Variants in PHLPP1 observed in about 807,000 individuals in gnomAD.
The protein encoded by PHLPP1 is PH domain and leucine rich repeat protein phosphatase 1.
Under a neutral mutation model 117.2 loss-of-function variants are expected in PHLPP1, and 42 were observed. That is an observed-to-expected ratio of 0.36 (90% CI 0.28 to 0.46). The LOEUF is 0.46. Ranked by LOEUF, PHLPP1 falls within the 20% of genes least tolerant of loss-of-function variation. The pLI is 1.00. For missense variants in PHLPP1, 2,084 were observed against 2,241.9 expected (o/e 0.93, Z 1.42); for synonymous variants, 1,042 against 970.7 (o/e 1.07, Z -1.37).
At chr18:62,935,595 A>T (rs113904697) in intron 10 of PHLPP1, among the ~76,000 whole-genome samples, 67 of 152,220 alleles carry the variant, frequency 4.4e-4, no homozygotes, top group Non-Finnish European at 1.3e-4. Flanking sequence ...CTATTAATAC[A>T]AGGGAGAGAC....
intron 4 of PHLPP1, among the ~76,000 whole-genome samples, chr18:62,889,332 G>A (rs1454087335): frequency 6.6e-6 from 1 of 152,134 alleles, no homozygotes; most frequent in Admixed American, 6.5e-5. Context: ...TAGGTCTAGG[G>A]TACGAGTATA....
At chr18:62,796,091 C>G (rs913065327) in intron 1 of PHLPP1, among the ~76,000 whole-genome samples, 12 of 152,190 alleles carry the variant, frequency 7.9e-5, no homozygotes, top group African/African-American at 2.9e-4. Flanking sequence ...CCACGGTTTA[C>G]AAAGCAGGTA....
Position 62,860,612 on chromosome 18 carries a change from A to G in PHLPP1, c.2066+11A>G, listed in dbSNP as rs1336900805. On this transcript the variant is annotated intron_variant, in intron 4 of 16. Transcript: ENST00000262719. ...TAATGAACTGCAAAGGTAAGCCTGC[A>G]GAAATGGGTAGATCATTAGGAAGGG... The G allele has an allele frequency of 6.2e-7, 1 of 1,605,936 alleles. No individual in the cohort carries two copies. The highest frequency in any genetic ancestry group is 8.5e-7 in the Non-Finnish European group (1 of 1,175,084).
intron 8 of PHLPP1, 48 bp from the exon 9 acceptor site, chr18:62,914,865 A>G (rs781439947): frequency 1.8e-5 from 24 of 1,335,346 alleles, no homozygotes; most frequent in Non-Finnish European, 1.2e-5. Context: ...GTTTAGAACC[A>G]CATTTGAGGA....
chr18:62,963,868 T>C (rs1910833604), intron 14 of PHLPP1, among the ~76,000 whole-genome samples: 2 of 152,198 alleles, frequency 1.3e-5, no homozygotes, highest in Non-Finnish European at 2.9e-5. Flanking sequence ...ATTGTGCATA[T>C]TTAAGATCAC....
intron 8 of PHLPP1, among the ~76,000 whole-genome samples, chr18:62,912,617 C>G (rs1029101248): frequency 1.3e-5 from 2 of 151,480 alleles, no homozygotes; most frequent in African/African-American, 2.4e-5. Flanking sequence ...TTGAACAGTT[C>G]TTTTCTTTTT....
At chr18:62,790,919 T>C (rs1209664580) in intron 1 of PHLPP1, among the ~76,000 whole-genome samples, 1 of 152,130 alleles carries the variant, frequency 6.6e-6, no homozygotes, top group African/African-American at 2.4e-5. Context: ...CCCCAGGTTT[T>C]GCAGCTCATG....
chr18:62,781,232 A>G (rs1053020454), intron 1 of PHLPP1, among the ~76,000 whole-genome samples: 2 of 152,220 alleles, frequency 1.3e-5, no homozygotes, highest in Non-Finnish European at 2.9e-5. Context: ...AGTGCTCCGT[A>G]GATACTCAAT....
chr18:62,945,587 C>T (rs1207016787), intron 12 of PHLPP1, among the ~76,000 whole-genome samples: 1 of 152,158 alleles, frequency 6.6e-6, no homozygotes, highest in Admixed American at 6.5e-5. Flanking sequence ...CACTTATTTC[C>T]AGGGTGGTTA....
chr18:62,950,260 G>A (rs1910413436), intron 12 of PHLPP1, among the ~76,000 whole-genome samples: 2 of 152,182 alleles, frequency 1.3e-5, no homozygotes, highest in African/African-American at 4.8e-5. Context: ...GCTAAGTTGA[G>A]TGAACTTGTA....
chr18:62,824,297 T>C, intron 1 of PHLPP1: 1 of 404,068 alleles, frequency 2.5e-6, no homozygotes, highest in Non-Finnish European at 4.8e-6. Context: ...GTGTTCTCCA[T>C]CAAAATAGAA....
rs60920082 is a variant in PHLPP1 at position 62,872,986 on chromosome 18, C to CAAAAA, written c.2066+12402_2066+12406dup. On this transcript the variant is annotated intron_variant, in intron 4 of 16. Coordinates refer to ENST00000262719, the MANE Select transcript of PHLPP1 (RefSeq NM_194449.4). ...TGGGCGACAGAGCAAAACTCTGCCTCAAAAAAAAAAAAAAAAAAAAAGAAA... is the reference window on the plus strand; with the variant it reads ...TGGGCGACAGAGCAAAACTCTGCCTCAAAAAAAAAAAAAAAAAAAAAAAAAAGAAA... Among the ~76,000 whole-genome samples, 68 of 54,644 alleles carry CAAAAA rather than the reference C, an allele frequency of 1.2e-3. 1 individual carries two copies. Among genetic ancestry groups the CAAAAA allele is most frequent in the African/African-American group, 3.1e-3 (55 of 17,570 alleles). 35.8% of individuals were successfully genotyped at this position (54,644 alleles called of 152,430 possible). A position where few individuals can be genotyped will look rare whatever the true frequency, so the allele number is the denominator to read the frequency against.
At chr18:62,931,333 T>G (rs1909800283) in intron 10 of PHLPP1, among the ~76,000 whole-genome samples, 1 of 152,092 alleles carries the variant, frequency 6.6e-6, no homozygotes, top group Admixed American at 6.5e-5. Context: ...TACCAAAGCC[T>G]CTGGGATACA....
intron 8 of PHLPP1, among the ~76,000 whole-genome samples, chr18:62,913,197 A>G (rs549182423): frequency 6.6e-6 from 1 of 152,148 alleles, no homozygotes; most frequent in South Asian, 2.1e-4. Flanking sequence ...GTTCTAAGTT[A>G]TTTTATCACT....
chr18:62,969,774 A>T (rs1431756833), intron 14 of PHLPP1, among the ~76,000 whole-genome samples: 1 of 152,256 alleles, frequency 6.6e-6, no homozygotes, highest in African/African-American at 2.4e-5. Flanking sequence ...TGATATTAAC[A>T]TAGCCATTTT....
chr18:62,716,580 C>T lies in PHLPP1; in HGVS notation c.897C>T (p.Pro299=). Residue 299 remains proline (P), a synonymous_variant, in exon 1 of 17, where the codon CCC becomes CCT. Transcript: ENST00000262719. The surrounding 1 kb of genome is among the most constrained non-coding windows in gnomAD (Gnocchi z 5.7). The stretch of plus-strand genomic sequence containing the variant: ...TCGGGGGGCCTCCGCGCGCGCCCCC[C>T]GCCGACCTACCCCTGCCCGTCGGCG... ...GAFGGPPRAP[P]ADLPLPVGGP... 1 of 1,215,584 alleles carries T rather than the reference C, an allele frequency of 8.2e-7. No individual in the cohort carries two copies. 75.3% of individuals were successfully genotyped at this position (1,215,584 alleles called of 1,614,324 possible).
In PHLPP1 at chr18:62,978,698, C is replaced by T; in HGVS notation, c.4421C>T (p.Ala1474Val). 6.2e-7 allele frequency: 1 copy of T among 1,613,876 alleles called. No individual in the cohort carries two copies. ...GTGCCGTCCTCCAGCAGCGGCATGGCTTCCGAGATTAGCAGTGAGCTCTCC... is the reference window on the plus strand; with the variant it reads ...GTGCCGTCCTCCAGCAGCGGCATGGTTTCCGAGATTAGCAGTGAGCTCTCC... ...LGVPSSSSGM[A>V]SEISSELSTS... is the part of the protein sequence containing the mutation. The change falls in exon 17 of 17, where the codon GCT becomes GTT. Residue 1474 changes from alanine (A) to valine (V), a missense_variant. This residue lies in a region of PHLPP1 where 1,365 missense variants were observed against 1,605.9 expected (regional missense o/e 0.85). Coordinates refer to ENST00000262719, the MANE Select transcript of PHLPP1 (RefSeq NM_194449.4). The surrounding 1 kb of genome is among the most constrained non-coding windows in gnomAD (Gnocchi z 7.0).
chr18:62,737,811 A>C (rs1911411886), intron 1 of PHLPP1, among the ~76,000 whole-genome samples: 1 of 152,168 alleles, frequency 6.6e-6, no homozygotes, highest in Non-Finnish European at 1.5e-5. Flanking sequence ...AGTTAGATGA[A>C]GGTCTACACG....
At chr18:62,951,956 A>G (rs1910473555) in intron 12 of PHLPP1, among the ~76,000 whole-genome samples, 1 of 151,584 alleles carries the variant, frequency 6.6e-6, no homozygotes, top group Non-Finnish European at 1.5e-5. Flanking sequence ...CTGGGACTAC[A>G]GGTGCCCACC....
Sources: gnomAD v4.1 joint callset for allele counts (sites outside exome capture counted in the v4.1 genomes callset) on GRCh38, gnomAD v4.1.1 for gene constraint, gnomAD v4.1.1 regional missense constraint, Gnocchi (gnomAD v3.1) non-coding constraint, MANE v1.5 for transcripts, NCBI Gene and HGNC (gene_info 2026-07-23, HGNC 2026-07-21) for gene names.